Variants in CTIF observed in about 807,000 individuals in gnomAD.
CTIF encodes CBP80/20-dependent translation initiation factor.
Under a neutral mutation model 66.0 loss-of-function variants are expected in CTIF, and 21 were observed. That is an observed-to-expected ratio of 0.32 (90% CI 0.23 to 0.46). The LOEUF is 0.46. Ranked by LOEUF, CTIF falls within the 20% of genes least tolerant of loss-of-function variation. The pLI is 1.00. For synonymous variants in CTIF, 345 were observed against 326.4 expected (o/e 1.06, Z -0.62); for missense variants, 739 against 812.7 (o/e 0.91, Z 1.10).
chr18:48,589,264 C>G (rs912746528), intron 1 of CTIF, among the ~76,000 whole-genome samples: 1 of 152,146 alleles, frequency 6.6e-6, no homozygotes, highest in East Asian at 1.9e-4. Flanking sequence ...TTCTGAGGGC[C>G]GTCAGGGGGA....
At chr18:48,704,096 A>G (rs1212840054) in intron 6 of CTIF, among the ~76,000 whole-genome samples, 2 of 152,136 alleles carry the variant, frequency 1.3e-5, no homozygotes, top group African/African-American at 4.8e-5. Context: ...CCTGGGGAGC[A>G]TGGCGGAGCA....
At chr18:48,856,473 C>G (rs1333427018) in intron 10 of CTIF, among the ~76,000 whole-genome samples, 1 of 152,194 alleles carries the variant, frequency 6.6e-6, no homozygotes, top group Non-Finnish European at 1.5e-5. Flanking sequence ...TTCATAGCAG[C>G]ACTATTCCTA....
chr18:48,736,784 T>C (rs1467668001), intron 7 of CTIF, among the ~76,000 whole-genome samples: 3 of 152,128 alleles, frequency 2.0e-5, no homozygotes, highest in Non-Finnish European at 4.4e-5. Context: ...TGGCCCGGCC[T>C]CAGGCGGGCA....
At chr18:48,813,854 T>C (rs561499216) in intron 9 of CTIF, among the ~76,000 whole-genome samples, 2 of 152,338 alleles carry the variant, frequency 1.3e-5, no homozygotes, top group East Asian at 3.9e-4. Flanking sequence ...TCACCCAGTC[T>C]CCTCCTGCCC....
chr18:48,568,625 G>C (rs2089330093), intron 1 of CTIF, among the ~76,000 whole-genome samples: 1 of 51,922 alleles, frequency 1.9e-5, no homozygotes, highest in Non-Finnish European at 5.0e-5. Flanking sequence ...CTGAGACTGG[G>C]CAATTTGTAA....
At chr18:48,560,167 G>A (rs145809867) in intron 1 of CTIF, among the ~76,000 whole-genome samples, 12 of 151,960 alleles carry the variant, frequency 7.9e-5, no homozygotes, top group Non-Finnish European at 1.6e-4. Flanking sequence ...CCAGATTCAA[G>A]ACGGTGGGGA....
chr18:48,789,292 A>G (rs963699623), intron 9 of CTIF, among the ~76,000 whole-genome samples: 1 of 151,914 alleles, frequency 6.6e-6, no homozygotes, highest in Non-Finnish European at 1.5e-5. Context: ...GTAACCTTGA[A>G]TGGGTTTCTT....
In CTIF at chr18:48,749,524, G is replaced by A. The variant is rs115164576; in HGVS notation, c.585-8395G>A. On this transcript the variant is annotated intron_variant, in intron 7 of 11. Coordinates refer to ENST00000256413, the MANE Select transcript of CTIF (RefSeq NM_014772.3). ...CCCCTGTCTTCCCATCTGTACTATG[G>A]GTGCACAGTGTGATCCCTCCCTCTG... Among the ~76,000 whole-genome samples, 809 of 152,270 alleles carry A rather than the reference G, an allele frequency of 5.3e-3. 13 individuals carry two copies. Among genetic ancestry groups the A allele is most frequent in the African/African-American group, 0.018 (734 of 41,544 alleles).
chr18:48,707,971 C>T lies in CTIF; in HGVS notation c.508-3648C>T, dbSNP rs148445576. On this transcript the variant is annotated intron_variant, in intron 6 of 11. Coordinates refer to ENST00000256413, the MANE Select transcript of CTIF (RefSeq NM_014772.3). The stretch of plus-strand genomic sequence containing the variant: ...TCTTAAAAACTGAAATCATGCACTC[C>T]GTGGTCCTTTGTAACTAGCTTCTTT... Among the ~76,000 whole-genome samples, 403 of 152,286 alleles carry T rather than the reference C, an allele frequency of 2.6e-3. 3 individuals are homozygous for T. The highest frequency in any genetic ancestry group is 8.6e-3 in the African/African-American group (358 of 41,538).
intron 7 of CTIF, among the ~76,000 whole-genome samples, chr18:48,722,206 C>CTTTTTTTTTTT (rs34736291): frequency 1.2e-5 from 1 of 81,052 alleles, no homozygotes; most frequent in Non-Finnish European, 2.2e-5. Flanking sequence ...TGGCCCTGTG[C>CTTTTTTTTTTT]TTTTTTTTTT....
rs1186032058 is a variant in CTIF at position 48,730,625 on chromosome 18, G to A, written c.584+18930G>A. On this transcript the variant is annotated intron_variant, in intron 7 of 11. Coordinates refer to ENST00000256413, the MANE Select transcript of CTIF (RefSeq NM_014772.3). ...CTTCTGCTGTGTGAGGGGCTCCTGC[G>A]GTGTGAGGGGCCCCTGTGGTGTGAG... 3.5e-5 allele frequency among the ~76,000 whole-genome samples: 4 copies of A among 114,238 alleles called. 1 individual carries two copies. The highest frequency in any genetic ancestry group is 1.2e-4 in the African/African-American group (3 of 25,716). 74.9% of individuals were successfully genotyped at this position (114,238 alleles called of 152,430 possible).
At chr18:48,857,271 C>T (rs1361922110) in intron 10 of CTIF, among the ~76,000 whole-genome samples, 2 of 152,222 alleles carry the variant, frequency 1.3e-5, no homozygotes, top group South Asian at 2.1e-4. Context: ...ATGATCCCAG[C>T]GCACTCACTG....
intron 7 of CTIF, among the ~76,000 whole-genome samples, chr18:48,724,549 T>A (rs1404784102): frequency 1.3e-5 from 2 of 152,188 alleles, no homozygotes; most frequent in African/African-American, 4.8e-5. Flanking sequence ...TTCTGCTGAC[T>A]CCTTCCTACT....
intron 1 of CTIF, among the ~76,000 whole-genome samples, chr18:48,585,749 C>A (rs2089753340): frequency 6.6e-6 from 1 of 152,188 alleles, no homozygotes; most frequent in African/African-American, 2.4e-5. Flanking sequence ...TTCTCTGGGA[C>A]TTTGTTAAGG....
chr18:48,840,699 G>C (rs1019862241), intron 10 of CTIF, among the ~76,000 whole-genome samples: 4 of 152,076 alleles, frequency 2.6e-5, no homozygotes, highest in Admixed American at 6.5e-5. Context: ...AGCACAGCCC[G>C]ATTCTTCTCT....
chr18:48,613,547 C>T (rs868818035), intron 1 of CTIF, among the ~76,000 whole-genome samples: 2 of 152,162 alleles, frequency 1.3e-5, no homozygotes, highest in African/African-American at 2.4e-5. Context: ...TGTCAAAGAA[C>T]ATGGGTGATT....
At chr18:48,747,780 T>C (rs1907380898) in intron 7 of CTIF, among the ~76,000 whole-genome samples, 1 of 150,120 alleles carries the variant, frequency 6.7e-6, no homozygotes, top group South Asian at 2.1e-4. Flanking sequence ...TAGCCAGTCA[T>C]GATGTCACGA....
intron 6 of CTIF, among the ~76,000 whole-genome samples, chr18:48,696,510 G>A (rs545478463): frequency 1.6e-4 from 25 of 152,184 alleles, no homozygotes; most frequent in Admixed American, 1.3e-3. Flanking sequence ...TATGGGTACC[G>A]ACACCGCTCT....
At chr18:48,540,525 G>A (rs2088584286) in intron 1 of CTIF, among the ~76,000 whole-genome samples, 1 of 151,746 alleles carries the variant, frequency 6.6e-6, no homozygotes, top group Admixed American at 6.6e-5. Context: ...CGGGAGGGGG[G>A]TGGTCCGAGC....
Sources: gnomAD v4.1 joint callset for allele counts (sites outside exome capture counted in the v4.1 genomes callset) on GRCh38, gnomAD v4.1.1 for gene constraint, MANE v1.5 for transcripts, NCBI Gene and HGNC (gene_info 2026-07-23, HGNC 2026-07-21) for gene names.